The following CC2D2B variants were observed in gnomAD, a reference collection of about 807,000 sequenced individuals.
CC2D2B encodes the protein protein CC2D2B.
CC2D2B carries 128 observed loss-of-function variants against 161.2 expected under a neutral mutation model. That is an observed-to-expected ratio of 0.79 (90% confidence interval 0.69 to 0.92). The LOEUF is 0.92. CC2D2B is among the 40% of genes least tolerant of loss of function. CC2D2B has a pLI of 0.00. For missense variants in CC2D2B, 1,173 were observed against 1,375.1 expected (o/e 0.85, Z 2.32); for synonymous variants, 391 against 449.8 (o/e 0.87, Z 1.65).
At chr10:95,998,380 T>C (rs957478460) in intron 24 of CC2D2B, among the ~76,000 whole-genome samples, 1 of 152,196 alleles carries the variant, frequency 6.6e-6, no homozygotes. Context: ...TCACACAGAA[T>C]GGTTACACTC....
intron 1 of CC2D2B, among the ~76,000 whole-genome samples, chr10:95,909,775 G>C (rs2098502759): frequency 2.6e-5 from 4 of 152,144 alleles, no homozygotes; most frequent in African/African-American, 9.7e-5. Flanking sequence ...AGTAACCAAG[G>C]TGACTGAAAA....
intron 34 of CC2D2B, among the ~76,000 whole-genome samples, chr10:96,028,699 C>T (rs2079891380): frequency 6.6e-6 from 1 of 152,160 alleles, no homozygotes; most frequent in African/African-American, 2.4e-5. Flanking sequence ...GCACTGTTCA[C>T]AAGAGCCAAG....
At chr10:96,028,207 A>G (rs1288725471) in intron 34 of CC2D2B, among the ~76,000 whole-genome samples, 1 of 152,200 alleles carries the variant, frequency 6.6e-6, no homozygotes, top group Middle Eastern at 3.2e-3. Context: ...CTGAGAGAAA[A>G]TATTCGGAAA....
intron 9 of CC2D2B, among the ~76,000 whole-genome samples, chr10:95,939,169 T>C (rs1426823050): frequency 6.6e-6 from 1 of 152,164 alleles, no homozygotes; most frequent in Non-Finnish European, 1.5e-5. Flanking sequence ...TGTATGGTGC[T>C]AATTTTACAA....
chr10:96,026,578 G>A (rs1340268294), intron 33 of CC2D2B, among the ~76,000 whole-genome samples: 2 of 152,124 alleles, frequency 1.3e-5, no homozygotes, highest in Admixed American at 6.6e-5. Flanking sequence ...GAGTAGGAAT[G>A]TCAACCCAGT....
intron 9 of CC2D2B, among the ~76,000 whole-genome samples, chr10:95,941,437 C>A (rs1266279919): frequency 6.6e-6 from 1 of 151,902 alleles, no homozygotes; most frequent in East Asian, 1.9e-4. Context: ...ATTTGCAAAC[C>A]ATATATCTGA....
chr10:96,002,427 G>A (rs751993184), intron 24 of CC2D2B, among the ~76,000 whole-genome samples: 10 of 152,062 alleles, frequency 6.6e-5, no homozygotes, highest in Non-Finnish European at 8.8e-5. Flanking sequence ...CCTTTCTGGG[G>A]GAAGAATTAT....
At chr10:96,021,189 A>G (rs2079441476) in intron 32 of CC2D2B, 1 of 152,254 alleles carries the variant, frequency 6.6e-6, no homozygotes, top group Non-Finnish European at 1.5e-5. Context: ...CAATATGTTG[A>G]TAATACCTGG....
At chr10:95,954,211 A>G (rs1432070581) in intron 10 of CC2D2B, among the ~76,000 whole-genome samples, 1 of 152,162 alleles carries the variant, frequency 6.6e-6, no homozygotes, top group African/African-American at 2.4e-5. Flanking sequence ...GTGTATACAT[A>G]TGGATTTGTG....
intron 6 of CC2D2B, among the ~76,000 whole-genome samples, chr10:95,930,044 A>G (rs2098547127): frequency 6.6e-6 from 1 of 152,112 alleles, no homozygotes; most frequent in Admixed American, 6.5e-5. Flanking sequence ...ATATATTTCC[A>G]TTTGTTTGTG....
At position 95,957,845 on chromosome 10, in the gene CC2D2B, G is replaced by C. The variant is rs1426593010; in HGVS notation, c.1109+2354G>C. On this transcript the variant is annotated intron_variant, in intron 11 of 34. Coordinates refer to ENST00000646931, the MANE Select transcript of CC2D2B (RefSeq NM_001349008.3). The stretch of plus-strand genomic sequence containing the variant: ...CAAATTCCTGGGATTACAGGTGTGA[G>C]CCACCACACCTGGCCATGATTTAAA... Among the ~76,000 whole-genome samples the C allele has an allele frequency of 2.7e-5, 4 of 150,202 alleles. No homozygotes were observed. The East Asian group carries it at 5.9e-4, about 22-fold the overall frequency.
chr10:95,971,606 A>G (rs1301904776), intron 15 of CC2D2B, among the ~76,000 whole-genome samples: 1 of 152,018 alleles, frequency 6.6e-6, no homozygotes, highest in South Asian at 2.1e-4. Context: ...GAATTTCATG[A>G]CCAATCACTA....
chr10:95,972,183 CT>C lies in CC2D2B; in HGVS notation c.1763del (p.Leu588ArgfsTer9). 8.1e-7 allele frequency: 1 copy of C among 1,232,018 alleles called. No individual in the cohort carries two copies. The highest frequency in any genetic ancestry group is 1.0e-6 in the Non-Finnish European group (1 of 987,868). The allele number at this position is 1,232,018 out of a possible 1,614,324, so 76.3% of individuals were successfully genotyped here. A position where few individuals can be genotyped will look rare whatever the true frequency, so the allele number is the denominator to read the frequency against. ...LQYVEFSSDK[L>X]VMPADGEVGS... ...ATATGTAGAGTTTAGCTCTGATAAG[CT>C]GGTCATGCCTGCCGATGGAGAAGTA... On this transcript the variant is annotated frameshift_variant, in exon 16 of 35. Transcript: ENST00000646931. LOFTEE classifies it high-confidence loss of function.
At chr10:96,000,488 C>T (rs980396398) in intron 24 of CC2D2B, among the ~76,000 whole-genome samples, 19 of 152,022 alleles carry the variant, frequency 1.2e-4, no homozygotes, top group Middle Eastern at 3.2e-3. Context: ...CTCAGCCTCC[C>T]GAGTAGCTGG....
chr10:95,953,291 C>T (rs2076464097), intron 10 of CC2D2B, among the ~76,000 whole-genome samples: 1 of 152,132 alleles, frequency 6.6e-6, no homozygotes, highest in African/African-American at 2.4e-5. Context: ...CAGCCTCTAA[C>T]TCCTGGGCTC....
At chr10:96,004,056 C>G (rs1394397362) in intron 24 of CC2D2B, 96 bp from the exon 25 acceptor site, 2 of 710,020 alleles carry the variant, frequency 2.8e-6, no homozygotes, top group African/African-American at 3.8e-5. Flanking sequence ...AAGAAAACAA[C>G]ACAGGTAATT....
chr10:95,917,646 A>C (rs906704625), intron 2 of CC2D2B, among the ~76,000 whole-genome samples: 1 of 151,850 alleles, frequency 6.6e-6, no homozygotes, highest in African/African-American at 2.4e-5. Context: ...CTGAACTCTT[A>C]TTGCAAAAAC....
chr10:95,936,965 T>C (rs1025702289), intron 6 of CC2D2B, among the ~76,000 whole-genome samples: 1 of 152,152 alleles, frequency 6.6e-6, no homozygotes. Flanking sequence ...AGAGCCCCCA[T>C]GTGGAGATCC....
At chr10:95,932,093 G>C (rs1312197559) in intron 6 of CC2D2B, among the ~76,000 whole-genome samples, 2 of 152,212 alleles carry the variant, frequency 1.3e-5, no homozygotes, top group Non-Finnish European at 2.9e-5. Context: ...ATTTAGGATA[G>C]TTAGCTCTTC....
Sources: gnomAD v4.1 joint callset for allele counts (sites outside exome capture counted in the v4.1 genomes callset) on GRCh38, gnomAD v4.1.1 for gene constraint, MANE v1.5 for transcripts, NCBI Gene and HGNC (gene_info 2026-07-23, HGNC 2026-07-21) for gene names.